The following P3H2 variants were observed in gnomAD, a reference collection of about 807,000 sequenced individuals.
P3H2 encodes prolyl 3-hydroxylase 2, also known as leprecan-like 1.
A neutral mutation model predicts 87.0 loss-of-function variants in P3H2; 80 were observed. The ratio of observed to expected loss-of-function variants is 0.92; its 90% CI spans 0.77 to 1.11. The LOEUF (loss-of-function observed/expected upper bound fraction) is 1.11. P3H2 is among the 50% of genes least tolerant of loss of function. The pLI, the probability that P3H2 is intolerant of heterozygous loss-of-function variation, is 0.00. For missense variants in P3H2, 1,001 were observed against 923.9 expected, an observed-to-expected ratio of 1.08 and a Z score of -1.08; for synonymous variants, 367 against 359.3, an observed-to-expected ratio of 1.02 and a Z score of -0.24.
intron 1 of P3H2, among the ~76,000 whole-genome samples, chr3:190,099,408 C>T (rs952115674): frequency 2.0e-5 from 3 of 152,150 alleles, no homozygotes; most frequent in African/African-American, 4.8e-5. Context: ...ACTTGGACAA[C>T]GGGTATATAT....
At position 189,973,326 on chromosome 3, in the gene P3H2, C is replaced by A. The variant is rs145367130; in HGVS notation, c.1549-302G>T. 89 of 331,036 alleles carry A rather than the reference C, an allele frequency of 2.7e-4. No individual in the cohort carries two copies. In the East Asian group the frequency reaches 4.8e-3, roughly 18 times the overall value. The allele number at this position is 331,036 out of a possible 1,614,324, so 20.5% of individuals were successfully genotyped here. On this transcript the variant is annotated intron_variant, in intron 10 of 14. Transcript: ENST00000319332. ...ATAATTACTTGTTTGAATATGTTTT[C>A]ACTATTAGATCATGATTTTACAAAG...
intron 1 of P3H2, among the ~76,000 whole-genome samples, chr3:190,062,819 A>G (rs1726375210): frequency 6.6e-6 from 1 of 152,114 alleles, no homozygotes. Context: ...TACAAACTCC[A>G]TATCCTAACC....
chr3:190,102,637 C>T (rs866821499), intron 1 of P3H2, among the ~76,000 whole-genome samples: 1 of 151,766 alleles, frequency 6.6e-6, no homozygotes, highest in Non-Finnish European at 1.5e-5. Flanking sequence ...GGAAACTACT[C>T]CTGGTGAAGA....
intron 1 of P3H2, among the ~76,000 whole-genome samples, chr3:190,052,627 A>G (rs1726018187): frequency 6.6e-6 from 1 of 152,052 alleles, no homozygotes; most frequent in Non-Finnish European, 1.5e-5. Context: ...TACCGTGTCT[A>G]AGAACATATT....
At chr3:190,003,783 G>T (rs1335734324) in intron 1 of P3H2, among the ~76,000 whole-genome samples, 4 of 152,214 alleles carry the variant, frequency 2.6e-5, no homozygotes, top group African/African-American at 9.6e-5. Flanking sequence ...ACTGGGCAGG[G>T]ATCTTAACCT....
intron 13 of P3H2, chr3:189,969,793 T>G: frequency 3.1e-6 from 5 of 1,608,516 alleles, no homozygotes; most frequent in Non-Finnish European, 4.3e-6. Flanking sequence ...CTAAAATTTC[T>G]GGATCATCCA....
At chr3:189,971,023 T>C (rs1451050536) in intron 12 of P3H2, 132 bp from the exon 13 acceptor site, 1 of 632,610 alleles carries the variant, frequency 1.6e-6, no homozygotes, top group South Asian at 2.0e-5. Flanking sequence ...ATTGATATAA[T>C]TGGTCCTCCA....
intron 1 of P3H2, among the ~76,000 whole-genome samples, chr3:190,092,515 C>T (rs190126161): frequency 1.3e-5 from 2 of 152,288 alleles, no homozygotes; most frequent in South Asian, 2.1e-4. Flanking sequence ...GCTTACATGG[C>T]TATCTTTAAA....
intron 1 of P3H2, among the ~76,000 whole-genome samples, chr3:190,060,738 A>G (rs1233284492): frequency 1.3e-4 from 20 of 152,112 alleles, no homozygotes. Context: ...TGTCTCATAA[A>G]TGGATAAAGA....
intron 1 of P3H2, among the ~76,000 whole-genome samples, chr3:190,058,385 A>G (rs1276037668): frequency 1.4e-4 from 21 of 152,172 alleles, no homozygotes; most frequent in Admixed American, 1.4e-3. Context: ...GAATAAAAGT[A>G]TTTATTCCTG....
chr3:190,066,158 T>TATATATATATATATATAC (rs1256956930), intron 1 of P3H2, among the ~76,000 whole-genome samples: 1 of 134,598 alleles, frequency 7.4e-6, no homozygotes, highest in African/African-American at 3.1e-5. Context: ...TATATATATA[T>TATATATATATATATATAC]ACACACACAC....
chr3:190,022,252 CTT>C lies in P3H2; in HGVS notation c.481-26812_481-26811del, dbSNP rs1724945280. ...AAATTTACATATGTAACATTTGTGA[CTT>C]TAGCTCTCTGGAAATGACCAAAGGC... is the stretch of plus-strand genomic sequence containing the variant. On this transcript the variant is annotated intron_variant, in intron 1 of 14. Transcript: ENST00000319332. Among the ~76,000 whole-genome samples, 2 of 135,172 alleles carry C rather than the reference CTT, an allele frequency of 1.5e-5. 1 individual carries two copies. Among genetic ancestry groups the C allele is most frequent in the South Asian group, 5.2e-4 (2 of 3,828 alleles). 88.7% of individuals were successfully genotyped at this position (135,172 alleles called of 152,430 possible). A position where few individuals can be genotyped will look rare whatever the true frequency, so the allele number is the denominator to read the frequency against.
intron 1 of P3H2, among the ~76,000 whole-genome samples, chr3:190,110,172 T>C (rs1712017019): frequency 6.6e-6 from 1 of 152,178 alleles, no homozygotes; most frequent in Admixed American, 6.6e-5. Flanking sequence ...TATGGCTAAA[T>C]GTTTAAATCA....
Position 190,120,654 on chromosome 3 carries a change from G to C in P3H2, c.78C>G (p.Pro26=). Residue 26 remains proline, a synonymous_variant, in exon 1 of 15, where the codon CCC becomes CCG. Coordinates refer to ENST00000319332, the MANE Select transcript of P3H2 (RefSeq NM_018192.4). ...CCAGCTCCCGGCGTGGGCTGTCCGGGGGGCCGCCCCACAGTGGCGGCGGCA... is the reference window on the plus strand; with the variant it reads ...CCAGCTCCCGGCGTGGGCTGTCCGGCGGGCCGCCCCACAGTGGCGGCGGCA... ...LLLPPPLWGG[P]PDSPRRELEL... 1 of 1,525,532 alleles carries C rather than the reference G, an allele frequency of 6.6e-7. No individual in the cohort carries two copies. The allele number at this position is 1,525,532 out of a possible 1,614,324, so 94.5% of individuals were successfully genotyped here. A position where few individuals can be genotyped will look rare whatever the true frequency, so the allele number is the denominator to read the frequency against.
intron 1 of P3H2, among the ~76,000 whole-genome samples, chr3:190,032,297 G>A (rs1365800037): frequency 6.6e-6 from 1 of 152,022 alleles, no homozygotes; most frequent in Non-Finnish European, 1.5e-5. Context: ...TCAAAATGCT[G>A]ACTCATTCAC....
chr3:190,027,967 C>CA lies in P3H2; in HGVS notation c.481-32526dup, dbSNP rs10712952. Reference sequence around the variant, plus strand: ...TGGGCGACAGAGCAAGACTCCATCGCAAAAAAAAAAAAAATAAAGAACCAG... The same window carrying CA: ...TGGGCGACAGAGCAAGACTCCATCGCAAAAAAAAAAAAAAATAAAGAACCAG... On this transcript the variant is annotated intron_variant, in intron 1 of 14. Coordinates refer to ENST00000319332, the MANE Select transcript of P3H2 (RefSeq NM_018192.4). 2.7e-3 allele frequency among the ~76,000 whole-genome samples: 369 copies of CA among 136,746 alleles called. 3 individuals are homozygous for CA. The highest frequency in any genetic ancestry group is 0.023 in the East Asian group (107 of 4,742). The allele number at this position is 136,746 out of a possible 152,430, so 89.7% of individuals were successfully genotyped here.
chr3:190,018,671 T>C (rs142166144), intron 1 of P3H2, among the ~76,000 whole-genome samples: 12 of 152,312 alleles, frequency 7.9e-5, no homozygotes, highest in African/African-American at 2.4e-4. Context: ...ATTGTGCCAC[T>C]GTACTTCAGC....
At chr3:190,092,269 T>C (rs1056508204) in intron 1 of P3H2, among the ~76,000 whole-genome samples, 3 of 151,874 alleles carry the variant, frequency 2.0e-5, no homozygotes, top group African/African-American at 4.8e-5. Flanking sequence ...AGCAACTCTA[T>C]ATTTCTATCA....
chr3:189,974,807 T>C (rs2108910461), intron 8 of P3H2, 122 bp from the exon 9 acceptor site: 1 of 1,241,468 alleles, frequency 8.1e-7, no homozygotes, highest in East Asian at 2.3e-5. Flanking sequence ...TATTTAGAAA[T>C]GCAAAGACAA....
Sources: allele counts gnomAD v4.1 joint callset (sites outside exome capture counted in the v4.1 genomes callset), GRCh38; gene constraint gnomAD v4.1.1; transcripts MANE v1.5; gene names NCBI Gene and HGNC (gene_info 2026-07-23, HGNC 2026-07-21).